Variants in ATL2 observed in about 807,000 individuals in gnomAD.
The protein encoded by ATL2 is atlastin-2.
Under a neutral mutation model 73.9 loss-of-function variants are expected in ATL2, and 31 were observed. That is an observed-to-expected ratio of 0.42 (90% CI 0.32 to 0.57). ATL2 has a LOEUF of 0.57. ATL2 is among the 20% of genes least tolerant of loss of function. The probability of loss-of-function intolerance (pLI) is 0.14; values close to 1 mark genes in which losing one functional copy is unlikely to be tolerated. For synonymous variants in ATL2, 291 were observed against 237.5 expected (o/e 1.23, Z -2.07); for missense variants, 738 against 702.6 (o/e 1.05, Z -0.57).
At chr2:38,347,219 A>G (rs1670074971) in intron 1 of ATL2, among the ~76,000 whole-genome samples, 1 of 152,224 alleles carries the variant, frequency 6.6e-6, no homozygotes, top group South Asian at 2.1e-4. Flanking sequence ...ATCTGGGCCC[A>G]GCCTCCTCTC....
rs1667974671 is a variant in ATL2, at chr2:38,315,339, T to C, written c.604-5A>G. On this transcript the variant is annotated splice_polypyrimidine_tract_variant and splice_region_variant and intron_variant, in intron 4 of 12. Transcript: ENST00000378954. Reference sequence around the variant, plus strand: ...ATTCTGAGACAGATTATATACCTGTTGAAACAAAATTTATTTTGTTTTTTA... The same window carrying C: ...ATTCTGAGACAGATTATATACCTGTCGAAACAAAATTTATTTTGTTTTTTA... The C allele has an allele frequency of 1.3e-6, 2 of 1,500,402 alleles. No individual in the cohort carries two copies. The highest frequency in any genetic ancestry group is 2.8e-5 in the South Asian group (2 of 72,360). 92.9% of individuals were successfully genotyped at this position (1,500,402 alleles called of 1,614,324 possible).
At chr2:38,298,688 T>C (rs1667034605) in intron 11 of ATL2, 113 bp from the exon 12 acceptor site, 1 of 1,112,038 alleles carries the variant, frequency 9.0e-7, no homozygotes, top group Non-Finnish European at 1.3e-6. Flanking sequence ...ATTGAGTCAG[T>C]TTTAAACTCA....
intron 9 of ATL2, among the ~76,000 whole-genome samples, chr2:38,302,356 G>A (rs546153675): frequency 1.2e-4 from 18 of 152,240 alleles, no homozygotes; most frequent in African/African-American, 3.6e-4. Flanking sequence ...CAATTTGGGA[G>A]GCCAAGGCAG....
In ATL2 at chr2:38,310,328, A is replaced by G; in HGVS notation, c.924T>C (p.Ser308=). The part of the protein sequence containing the change: ...HPGLKVATNP[S]FDGRLKDIDE... Reference sequence around the variant, plus strand: ...TCCCACCTTTCAATCTCCCATCAAAACTAGGATTAGTTGCAACTTTAAGAC... The same window carrying G: ...TCCCACCTTTCAATCTCCCATCAAAGCTAGGATTAGTTGCAACTTTAAGAC... The change falls in exon 8 of 13, where the codon AGT becomes AGC. Residue 308 remains serine, a synonymous_variant. Coordinates refer to ENST00000378954, the MANE Select transcript of ATL2 (RefSeq NM_001135673.4). The G allele has an allele frequency of 6.2e-7, 1 of 1,611,964 alleles. No individual in the cohort carries two copies.
intron 3 of ATL2, 86 bp from the exon 4 acceptor site, chr2:38,318,725 G>T: frequency 7.4e-7 from 1 of 1,343,960 alleles, no homozygotes; most frequent in Non-Finnish European, 1.0e-6. Flanking sequence ...TTGAAAAGCA[G>T]TAATTAAATC....
At chr2:38,375,186 T>G in intron 1 of ATL2, among the ~76,000 whole-genome samples, 1 of 152,174 alleles carries the variant, frequency 6.6e-6, no homozygotes, top group East Asian at 1.9e-4. Flanking sequence ...TGAAGCTATT[T>G]CTCCAGGAAG....
intron 9 of ATL2, among the ~76,000 whole-genome samples, chr2:38,301,908 C>T (rs1207241682): frequency 6.6e-6 from 1 of 152,050 alleles, no homozygotes; most frequent in African/African-American, 2.4e-5. Flanking sequence ...GTGTAGTTCA[C>T]AGCTCTGAGA....
chr2:38,355,119 T>C (rs965561955), intron 1 of ATL2, among the ~76,000 whole-genome samples: 1 of 152,104 alleles, frequency 6.6e-6, no homozygotes, highest in African/African-American at 2.4e-5. Flanking sequence ...AGCAAAACTA[T>C]ATACTGTATT....
chr2:38,309,038 G>A (rs572247462), intron 9 of ATL2, among the ~76,000 whole-genome samples: 1 of 151,934 alleles, frequency 6.6e-6, no homozygotes, highest in African/African-American at 2.4e-5. Flanking sequence ...GTTTTTGTGA[G>A]AACTTAGGAT....
At chr2:38,343,893 C>G (rs1212183729) in intron 1 of ATL2, among the ~76,000 whole-genome samples, 8 of 152,180 alleles carry the variant, frequency 5.3e-5, no homozygotes, top group South Asian at 4.1e-4. Context: ...TGCACAAGCT[C>G]TCTTCTCATC....
At chr2:38,350,415 T>C (rs1417504496) in intron 1 of ATL2, among the ~76,000 whole-genome samples, 2 of 152,076 alleles carry the variant, frequency 1.3e-5, no homozygotes, top group Non-Finnish European at 2.9e-5. Flanking sequence ...GGTGTCTTAG[T>C]AAAAGGACCT....
At chr2:38,342,272 T>C (rs1424321437) in intron 2 of ATL2, among the ~76,000 whole-genome samples, 1 of 152,118 alleles carries the variant, frequency 6.6e-6, no homozygotes, top group Non-Finnish European at 1.5e-5. Context: ...TTGTGCCAGG[T>C]GCTTGATAAT....
At chr2:38,297,607 T>A (rs1211479404) in intron 12 of ATL2, among the ~76,000 whole-genome samples, 1 of 152,160 alleles carries the variant, frequency 6.6e-6, no homozygotes, top group Non-Finnish European at 1.5e-5. Flanking sequence ...CTAATTAATA[T>A]TTCCAAAACA....
intron 2 of ATL2, among the ~76,000 whole-genome samples, chr2:38,320,760 T>A (rs1558406273): frequency 6.6e-6 from 1 of 152,050 alleles, no homozygotes; most frequent in Non-Finnish European, 1.5e-5. Context: ...AAAGCGTGAA[T>A]TAGGAGTGGA....
At chr2:38,360,685 C>A (rs1288716384) in intron 1 of ATL2, among the ~76,000 whole-genome samples, 1 of 152,054 alleles carries the variant, frequency 6.6e-6, no homozygotes, top group African/African-American at 2.4e-5. Context: ...GAAAATCTCA[C>A]CTCAAGTCAA....
At position 38,295,367 on chromosome 2, in the gene ATL2, G is replaced by A. The variant is rs1475301836; in HGVS notation, c.*627C>T. On this transcript the variant is annotated 3_prime_UTR_variant, in exon 13 of 13. Transcript: ENST00000378954. ...GGCTAAACTGCAAAAAGACAGTTCA[G>A]TTTCCCAGATATGCATCTCCTTTTA... The A allele has an allele frequency of 2.0e-5, 3 of 152,142 alleles. No homozygotes were observed. The highest frequency in any genetic ancestry group is 4.4e-5 in the Non-Finnish European group (3 of 68,046). 9.4% of individuals were successfully genotyped at this position (152,142 alleles called of 1,614,324 possible).
intron 2 of ATL2, among the ~76,000 whole-genome samples, chr2:38,324,390 A>G (rs73928215): frequency 0.018 from 2,667 of 152,316 alleles, 68 homozygotes; most frequent in African/African-American, 0.062. Flanking sequence ...ACTAGTACCT[A>G]ATCAGGAGAC....
chr2:38,316,523 T>G (rs1296444139), intron 4 of ATL2, among the ~76,000 whole-genome samples: 1 of 152,192 alleles, frequency 6.6e-6, no homozygotes, highest in African/African-American at 2.4e-5. Flanking sequence ...AATTATCATT[T>G]ATCTATCAGC....
In ATL2 at chr2:38,315,319, G is replaced by T; in HGVS notation, c.619C>A (p.Gln207Lys). Residue 207 changes from glutamine to lysine, a missense_variant, in exon 5 of 13, where the codon CAG becomes AAG. Coordinates refer to ENST00000378954, the MANE Select transcript of ATL2 (RefSeq NM_001135673.4). ...TSSVQVYNLS[Q>K]NIQEDDLQHL... ...TGAAGATCATCTTCTTGAATATTCT[G>T]AGACAGATTATATACCTGTTGAAAC... 2 of 1,497,160 alleles carry T rather than the reference G, an allele frequency of 1.3e-6. No individual in the cohort carries two copies. The highest frequency in any genetic ancestry group is 1.4e-5 in the South Asian group (1 of 72,094). 92.7% of individuals were successfully genotyped at this position (1,497,160 alleles called of 1,614,324 possible).
Sources: allele counts gnomAD v4.1 joint callset (sites outside exome capture counted in the v4.1 genomes callset), GRCh38; gene constraint gnomAD v4.1.1; transcripts MANE v1.5; gene names NCBI Gene and HGNC (gene_info 2026-07-23, HGNC 2026-07-21).